Variants in KIAA0319L observed in about 807,000 individuals in gnomAD.
KIAA0319L encodes the protein dyslexia-associated protein KIAA0319-like protein.
In KIAA0319L, 55 loss-of-function variants were observed where a neutral mutation model predicts 120.1. That is an observed-to-expected ratio of 0.46 (90% CI 0.37 to 0.57). The LOEUF (loss-of-function observed/expected upper bound fraction) is 0.57, where lower values mean the gene tolerates loss of function less well. Among genes scored for constraint, KIAA0319L ranks in the 20% least tolerant of loss-of-function variants. The pLI is 0.00. For synonymous variants in KIAA0319L, 398 were observed against 471.9 expected (o/e 0.84, Z 2.03); for missense variants, 1,049 against 1,255.3 (o/e 0.84, Z 2.48).
chr1:35,490,344 A>G (rs1299284767), intron 3 of KIAA0319L, among the ~76,000 whole-genome samples: 1 of 152,244 alleles, frequency 6.6e-6, no homozygotes, highest in African/African-American at 2.4e-5. Flanking sequence ...GCTTAAAAGC[A>G]AGACTCAAAA....
At chr1:35,478,352 C>T (rs1643997147) in intron 4 of KIAA0319L, among the ~76,000 whole-genome samples, 1 of 151,506 alleles carries the variant, frequency 6.6e-6, no homozygotes, top group African/African-American at 2.4e-5. Context: ...TATTTGATAG[C>T]ACAACAGGGT....
At chr1:35,521,641 T>A (rs1019414576) in intron 2 of KIAA0319L, among the ~76,000 whole-genome samples, 3 of 133,846 alleles carry the variant, frequency 2.2e-5, no homozygotes, top group Admixed American at 7.6e-5. Context: ...CTCAAAAAAA[T>A]AATAATAATA....
chr1:35,556,501 T>C (rs948458014), intron 1 of KIAA0319L: 6 of 152,378 alleles, frequency 3.9e-5, no homozygotes, highest in African/African-American at 1.4e-4. Flanking sequence ...CAGACACTGT[T>C]TTCCAAATAG....
At chr1:35,526,067 T>C (rs1289631606) in intron 2 of KIAA0319L, among the ~76,000 whole-genome samples, 2 of 152,012 alleles carry the variant, frequency 1.3e-5, no homozygotes, top group Admixed American at 1.3e-4. Flanking sequence ...TATCCAGTTT[T>C]CCCAGGACCA....
At position 35,479,145 on chromosome 1, in the gene KIAA0319L, G is replaced by A. The variant is rs1311654487; in HGVS notation, c.734C>T (p.Pro245Leu). The stretch of plus-strand genomic sequence containing the variant: ...TTCAGGTTGCACTGATACATTCTTT[G>A]GCCCACCAGACAGCTCTGCAGTCAG... ...TDLTAELSGG[P>L]KNVSVQPEIS... The change falls in exon 4 of 21, where the codon CCA becomes CTA. Residue 245 changes from proline (P) to leucine (L), a missense_variant. Pro to Leu is a moderately conservative substitution (Grantham distance 98, BLOSUM62 -3). Transcript: ENST00000325722. 1 of 1,613,878 alleles carries A rather than the reference G, an allele frequency of 6.2e-7. No individual in the cohort carries two copies. The highest frequency in any genetic ancestry group is 8.5e-7 in the Non-Finnish European group (1 of 1,179,892).
At chr1:35,455,769 C>CG (rs560068656) in intron 10 of KIAA0319L, among the ~76,000 whole-genome samples, 4 of 151,588 alleles carry the variant, frequency 2.6e-5, no homozygotes, top group Non-Finnish European at 4.4e-5. Context: ...TTAGTAGAGA[C>CG]GGGGTTTCAC....
chr1:35,538,017 C>T lies in KIAA0319L; in HGVS notation c.142+16333G>A, dbSNP rs749305027. On this transcript the variant is annotated intron_variant, in intron 2 of 20. Coordinates refer to ENST00000325722, the MANE Select transcript of KIAA0319L (RefSeq NM_024874.5). Reference sequence around the variant, plus strand: ...AGGAGGAGGTTCAAAGGGATTAGAACATCCCATGTCTTACCAGCCTGCTAT... The same window carrying T: ...AGGAGGAGGTTCAAAGGGATTAGAATATCCCATGTCTTACCAGCCTGCTAT... 2.6e-5 allele frequency among the ~76,000 whole-genome samples: 4 copies of T among 152,186 alleles called. 1 individual carries two copies. The highest frequency in any genetic ancestry group is 5.9e-5 in the Non-Finnish European group (4 of 68,036).
intron 4 of KIAA0319L, among the ~76,000 whole-genome samples, chr1:35,476,866 G>A (rs1415497627): frequency 6.6e-6 from 1 of 152,122 alleles, no homozygotes; most frequent in Admixed American, 6.5e-5. Flanking sequence ...TTTTTCAGGG[G>A]ATAAAGACCA....
intron 2 of KIAA0319L, among the ~76,000 whole-genome samples, chr1:35,524,696 T>C (rs777432502): frequency 6.6e-6 from 1 of 152,184 alleles, no homozygotes; most frequent in Non-Finnish European, 1.5e-5. Flanking sequence ...CAGAAGCACA[T>C]CTTTTTAAAA....
intron 6 of KIAA0319L, among the ~76,000 whole-genome samples, chr1:35,468,439 T>A (rs1045062049): frequency 6.6e-6 from 1 of 152,200 alleles, no homozygotes; most frequent in African/African-American, 2.4e-5. Flanking sequence ...TGTGCAAATA[T>A]ATCTCTCCAG....
At chr1:35,456,369 T>C (rs1052311338) in intron 9 of KIAA0319L, 128 bp from the exon 10 acceptor site, 7 of 605,020 alleles carry the variant, frequency 1.2e-5, no homozygotes, top group African/African-American at 1.1e-4. Flanking sequence ...CCCACTTCTA[T>C]TGGAGAAGCA....
intron 2 of KIAA0319L, among the ~76,000 whole-genome samples, chr1:35,520,243 G>A (rs1645857198): frequency 6.6e-6 from 1 of 151,904 alleles, no homozygotes; most frequent in South Asian, 2.1e-4. Context: ...GGGACTACAG[G>A]CATGTGCCAC....
chr1:35,556,168 T>C (rs1024017060), intron 1 of KIAA0319L, among the ~76,000 whole-genome samples: 2 of 152,208 alleles, frequency 1.3e-5, no homozygotes, highest in Non-Finnish European at 2.9e-5. Context: ...AAGCTCACAA[T>C]AGTTCTGGCA....
At chr1:35,502,842 A>ATT (rs753602709) in intron 3 of KIAA0319L, among the ~76,000 whole-genome samples, 8 of 152,062 alleles carry the variant, frequency 5.3e-5, no homozygotes, top group Non-Finnish European at 8.8e-5. Context: ...AACAACCTCG[A>ATT]TTTCCATACC....
intron 2 of KIAA0319L, chr1:35,533,281 T>C (rs1199606969): frequency 6.6e-6 from 1 of 152,110 alleles, no homozygotes; most frequent in Non-Finnish European, 1.5e-5. Context: ...AGTCATACTG[T>C]TAGTGTCCAG....
At chr1:35,490,670 C>T (rs535265722) in intron 3 of KIAA0319L, among the ~76,000 whole-genome samples, 1 of 152,248 alleles carries the variant, frequency 6.6e-6, no homozygotes, top group South Asian at 2.1e-4. Context: ...GACCTCATAT[C>T]AAACTTTTAA....
intron 2 of KIAA0319L, among the ~76,000 whole-genome samples, chr1:35,539,875 T>A (rs1410286390): frequency 6.6e-6 from 1 of 152,230 alleles, no homozygotes; most frequent in Admixed American, 6.5e-5. Context: ...TGAACTTGAA[T>A]CTGAAATTAA....
At chr1:35,541,191 C>T (rs1405517861) in intron 2 of KIAA0319L, among the ~76,000 whole-genome samples, 1 of 152,090 alleles carries the variant, frequency 6.6e-6, no homozygotes, top group Non-Finnish European at 1.5e-5. Flanking sequence ...ATCCACCTGC[C>T]TCGGCCTCCC....
intron 1 of KIAA0319L, chr1:35,556,614 C>A (rs1218900462): frequency 1.3e-5 from 2 of 152,218 alleles, no homozygotes; most frequent in Admixed American, 1.3e-4. Context: ...TCAGCTAATG[C>A]TCTTCACTAA....
Sources: gnomAD v4.1 joint callset for allele counts (sites outside exome capture counted in the v4.1 genomes callset) on GRCh38, gnomAD v4.1.1 for gene constraint, MANE v1.5 for transcripts, NCBI Gene and HGNC (gene_info 2026-07-23, HGNC 2026-07-21) for gene names.